AKAP3: variants seen among roughly 807,000 people sequenced by gnomAD.
The protein encoded by AKAP3 is A-kinase anchoring protein 3.
AKAP3 carries 27 observed loss-of-function variants against 57.2 expected under a neutral mutation model. The observed-to-expected ratio is 0.47, with a 90% CI of 0.35 to 0.65. AKAP3 has a LOEUF of 0.65. Among genes scored for constraint, AKAP3 ranks in the 30% least tolerant of loss-of-function variants. AKAP3 has a pLI of 0.01. For synonymous variants in AKAP3, 334 were observed against 392.3 expected, an observed-to-expected ratio of 0.85 and a Z score of 1.76; for missense variants, 959 against 1,040.0, an observed-to-expected ratio of 0.92 and a Z score of 1.07.
chr12:4,643,021 G>C (rs1360095722), intron 2 of AKAP3, among the ~76,000 whole-genome samples: 1 of 152,178 alleles, frequency 6.6e-6, no homozygotes, highest in Non-Finnish European at 1.5e-5. Flanking sequence ...TACGTTCACC[G>C]CACAGACTTA....
intron 2 of AKAP3, among the ~76,000 whole-genome samples, chr12:4,643,156 C>T (rs1055880908): frequency 5.9e-5 from 9 of 152,162 alleles, no homozygotes; most frequent in African/African-American, 1.9e-4. Context: ...AAACACTTCA[C>T]TTAAATATAT....
intron 3 of AKAP3, among the ~76,000 whole-genome samples, chr12:4,638,920 C>A (rs1945600304): frequency 6.6e-6 from 1 of 152,228 alleles, no homozygotes; most frequent in African/African-American, 2.4e-5. Context: ...GTAATGGCAC[C>A]ACCATTTACC....
chr12:4,623,945 T>G (rs1189401094), intron 5 of AKAP3, among the ~76,000 whole-genome samples: 1 of 152,050 alleles, frequency 6.6e-6, no homozygotes, highest in African/African-American at 2.4e-5. Flanking sequence ...ACTGTTTTAA[T>G]AGGTGTGTTA....
chr12:4,619,094 A>G (rs939184671), intron 5 of AKAP3, among the ~76,000 whole-genome samples: 1 of 152,234 alleles, frequency 6.6e-6, no homozygotes, highest in East Asian at 1.9e-4. Flanking sequence ...TCATCATTTT[A>G]ATGTATGTAG....
rs1403615695 is a variant in AKAP3 at position 4,626,987 on chromosome 12, T to TG, written c.1914dup (p.Arg639GlnfsTer4). The TG allele has an allele frequency of 6.2e-7, 1 of 1,614,074 alleles. No homozygotes were observed. Among genetic ancestry groups the TG allele is most frequent in the Admixed American group, 1.7e-5 (1 of 60,004 alleles). The stretch of plus-strand genomic sequence containing the variant: ...GGGGTCTCATCATCCTCATATAGCC[T>TG]GGGGGGAGAAGACGCCAACGGTCTT... On this transcript the variant is annotated frameshift_variant, in exon 5 of 6. Coordinates refer to ENST00000228850, the MANE Select transcript of AKAP3 (RefSeq NM_001278309.2). LOFTEE classifies it high-confidence loss of function.
intron 4 of AKAP3, chr12:4,635,363 C>T (rs1169851210): frequency 3.3e-6 from 2 of 602,316 alleles, no homozygotes; most frequent in Non-Finnish European, 6.0e-6. Context: ...AACACTGACT[C>T]CTGTTTGGTT....
At chr12:4,637,993 C>T in intron 4 of AKAP3, 108 bp downstream of exon 4, 1 of 982,802 alleles carries the variant, frequency 1.0e-6, no homozygotes, top group Non-Finnish European at 1.6e-6. Context: ...CCTCAAGAAT[C>T]CCACCTTGAA....
intron 4 of AKAP3, among the ~76,000 whole-genome samples, chr12:4,632,438 T>C (rs1043603808): frequency 9.9e-5 from 15 of 152,208 alleles, no homozygotes; most frequent in African/African-American, 3.6e-4. Context: ...TTCATAATCA[T>C]AACTGTTAAC....
chr12:4,642,325 A>C (rs553632983), intron 2 of AKAP3, among the ~76,000 whole-genome samples: 1 of 152,358 alleles, frequency 6.6e-6, no homozygotes, highest in Middle Eastern at 3.4e-3. Flanking sequence ...TTGCTTGAAT[A>C]GGAAGTTGGA....
At chr12:4,644,232 T>C (rs1591537436) in intron 2 of AKAP3, among the ~76,000 whole-genome samples, 1 of 152,208 alleles carries the variant, frequency 6.6e-6, no homozygotes, top group Non-Finnish European at 1.5e-5. Flanking sequence ...GTATAGATAC[T>C]TTCACCACAT....
chr12:4,634,181 C>T (rs145504707), intron 4 of AKAP3, among the ~76,000 whole-genome samples: 2 of 151,800 alleles, frequency 1.3e-5, no homozygotes, highest in Non-Finnish European at 2.9e-5. Context: ...TGCAATATAC[C>T]GAATTGATCA....
rs570391403 is a variant in AKAP3, at chr12:4,629,893, C to T, written c.97-1088G>A. 9.2e-4 allele frequency among the ~76,000 whole-genome samples: 140 copies of T among 151,892 alleles called. 1 individual carries two copies. Among genetic ancestry groups the T allele is most frequent in the Non-Finnish European group, 9.6e-4 (65 of 67,966 alleles). ...AATGGACTGACATCATTTAACAATC[C>T]GATTTATAATTCAGGAGTTAATATG... On this transcript the variant is annotated intron_variant, in intron 4 of 5. Transcript: ENST00000228850.
chr12:4,626,946 C>G lies in AKAP3; in HGVS notation c.1956G>C (p.Gly652=). Residue 652 remains glycine (G), a synonymous_variant, in exon 5 of 6, where the codon GGG becomes GGC. Coordinates refer to ENST00000228850, the MANE Select transcript of AKAP3 (RefSeq NM_001278309.2). ...EDDETPGALS[G]LTKMAVSQID... ...TCTGGCTGACAGCCATCTTGGTCAGCCCAGAAAGGGCACCAGGGGTCTCAT... is the reference window on the plus strand; with the variant it reads ...TCTGGCTGACAGCCATCTTGGTCAGGCCAGAAAGGGCACCAGGGGTCTCAT... The G allele has an allele frequency of 6.2e-7, 1 of 1,614,106 alleles. No homozygotes were observed. Among genetic ancestry groups the G allele is most frequent in the African/African-American group, 1.3e-5 (1 of 75,022 alleles).
chr12:4,638,037 A>T, intron 4 of AKAP3, 64 bp downstream of exon 4: 1 of 1,319,224 alleles, frequency 7.6e-7, no homozygotes, highest in Non-Finnish European at 1.1e-6. Flanking sequence ...GGAGAGAATA[A>T]GGCTACTCTT....
At chr12:4,618,320 G>A (rs1945309608) in intron 5 of AKAP3, among the ~76,000 whole-genome samples, 1 of 152,144 alleles carries the variant, frequency 6.6e-6, no homozygotes, top group Admixed American at 6.6e-5. Flanking sequence ...TAACATTTAT[G>A]GTCAATAGGA....
chr12:4,644,930 G>A (rs1945680629), intron 2 of AKAP3, 125 bp downstream of exon 2: 1 of 151,998 alleles, frequency 6.6e-6, no homozygotes, highest in Non-Finnish European at 1.5e-5. Context: ...AAAAAAATCA[G>A]CTGGACAGAA....
intron 1 of AKAP3, among the ~76,000 whole-genome samples, chr12:4,648,246 G>A (rs117060358): frequency 0.025 from 3,822 of 152,300 alleles, 58 homozygotes; most frequent in African/African-American, 0.033. Flanking sequence ...TTGCGCTAGA[G>A]AGAGCCATCT....
chr12:4,627,413 G>C lies in AKAP3; in HGVS notation c.1489C>G (p.Pro497Ala). Reference protein sequence around the residue: ...KPASDISFEYPEDIGNLSLPP... With the variant: ...KPASDISFEYAEDIGNLSLPP... ...AGGCTGAGGTTGCCAATATCTTCAG[G>C]GTACTCAAAGGAAATGTCTGATGCA... Residue 497 changes from proline (P) to alanine (A), a missense_variant, in exon 5 of 6, where the codon CCT (proline) becomes GCT (alanine). Physicochemically the swap from Pro to Ala is conservative, Grantham distance 27. Transcript: ENST00000228850. The C allele has an allele frequency of 6.2e-7, 1 of 1,613,888 alleles. No individual in the cohort carries two copies. Among genetic ancestry groups the C allele is most frequent in the Non-Finnish European group, 8.5e-7 (1 of 1,179,970 alleles).
chr12:4,616,778 G>A (rs1945290318), intron 5 of AKAP3, among the ~76,000 whole-genome samples: 1 of 152,130 alleles, frequency 6.6e-6, no homozygotes, highest in South Asian at 2.1e-4. Context: ...ATATGAAATT[G>A]ATTAAACTTA....
Sources: gnomAD v4.1 joint callset for allele counts (sites outside exome capture counted in the v4.1 genomes callset) on GRCh38, gnomAD v4.1.1 for gene constraint, MANE v1.5 for transcripts, NCBI Gene and HGNC (gene_info 2026-07-23, HGNC 2026-07-21) for gene names.